The following EHBP1 variants were observed in gnomAD, a reference collection of about 807,000 sequenced individuals.
EHBP1 encodes the protein EH domain-binding protein 1.
EHBP1 carries 55 observed loss-of-function variants against 144.0 expected under a neutral mutation model. The observed-to-expected ratio is 0.38, with a 90% CI of 0.31 to 0.48. The LOEUF (loss-of-function observed/expected upper bound fraction) is 0.48, where lower values mean the gene tolerates loss of function less well. EHBP1 is among the 20% of genes least tolerant of loss of function. EHBP1 has a pLI of 0.98. For missense variants in EHBP1, 1,200 were observed against 1,364.2 expected (o/e 0.88, Z 1.90); for synonymous variants, 469 against 472.7 (o/e 0.99, Z 0.10).
In EHBP1 at chr2:62,935,344, A is replaced by AATATATAT. The variant is rs57574909; in HGVS notation, c.1186-7359_1186-7352dup. On this transcript the variant is annotated intron_variant, in intron 10 of 22. Transcript: ENST00000431489. ...ACTCCATCTCAAAAAAAAAAAAAAA[A>AATATATAT]ATATATATATATATATATATATCCA... Among the ~76,000 whole-genome samples the AATATATAT allele has an allele frequency of 6.9e-4, 84 of 121,478 alleles. 1 individual carries two copies. The highest frequency in any genetic ancestry group is 1.2e-3 in the Admixed American group (13 of 11,264). 79.7% of individuals were successfully genotyped at this position (121,478 alleles called of 152,430 possible).
intron 1 of EHBP1, among the ~76,000 whole-genome samples, chr2:62,689,952 T>G (rs2033848022): frequency 6.6e-6 from 1 of 152,256 alleles, no homozygotes; most frequent in African/African-American, 2.4e-5. Context: ...TCTTTCATAT[T>G]TCTTCTTATG....
chr2:62,917,464 A>G (rs2054722419), intron 10 of EHBP1, among the ~76,000 whole-genome samples: 1 of 152,146 alleles, frequency 6.6e-6, no homozygotes, highest in East Asian at 1.9e-4. Flanking sequence ...ACAGATGCAC[A>G]TGTGTGTGCG....
intron 3 of EHBP1, among the ~76,000 whole-genome samples, chr2:62,760,906 T>G (rs1180511030): frequency 6.6e-6 from 1 of 152,210 alleles, no homozygotes; most frequent in African/African-American, 2.4e-5. Flanking sequence ...TGGGTATTTT[T>G]CATTGAGAAT....
intron 2 of EHBP1, among the ~76,000 whole-genome samples, chr2:62,713,139 G>A (rs1393073248): frequency 6.6e-6 from 1 of 152,144 alleles, no homozygotes; most frequent in Non-Finnish European, 1.5e-5. Flanking sequence ...GGTATGAAGA[G>A]GGTGGTCAAG....
At chr2:62,947,119 AACCAAGCCTATACATGC>A (rs1432021535) in intron 12 of EHBP1, among the ~76,000 whole-genome samples, 1 of 152,196 alleles carries the variant, frequency 6.6e-6, no homozygotes, top group Non-Finnish European at 1.5e-5. Context: ...TAAAATAACA[AACCAAGCCTATACATGC>A]ACACCAACTG....
At chr2:62,948,182 AT>A in intron 12 of EHBP1, 77 bp from the exon 13 acceptor site, 1 of 1,332,144 alleles carries the variant, frequency 7.5e-7, no homozygotes, top group Non-Finnish European at 1.0e-6. Context: ...AACAACAAAA[AT>A]TAAAAATGTG....
Position 62,706,000 on chromosome 2 carries a change from A to G in EHBP1, c.-348A>G. 1 of 151,460 alleles carries G rather than the reference A, an allele frequency of 6.6e-6. No homozygotes were observed. Among genetic ancestry groups the G allele is most frequent in the Non-Finnish European group, 1.3e-5 (1 of 74,912 alleles). 9.4% of individuals were successfully genotyped at this position (151,460 alleles called of 1,614,324 possible). Reference sequence around the variant, plus strand: ...GCTGCTGCTGCGGCGGCGACGGAGGAGCGGCTATGAGAAGGGAACGGGGCC... The same window carrying G: ...GCTGCTGCTGCGGCGGCGACGGAGGGGCGGCTATGAGAAGGGAACGGGGCC... On this transcript the variant is annotated 5_prime_UTR_variant, in exon 1 of 23. Transcript: ENST00000431489.
intron 19 of EHBP1, among the ~76,000 whole-genome samples, chr2:63,006,828 T>C (rs1288906246): frequency 5.9e-5 from 9 of 151,682 alleles, no homozygotes; most frequent in Non-Finnish European, 1.5e-5. Context: ...GGAAATTATA[T>C]ATATATATAT....
At chr2:62,867,978 G>A (rs1285110168) in intron 9 of EHBP1, among the ~76,000 whole-genome samples, 27 of 151,996 alleles carry the variant, frequency 1.8e-4, no homozygotes, top group Admixed American at 1.8e-3. Context: ...ACAATTAAAT[G>A]TCCATATGCC....
chr2:63,037,857 A>G (rs2061504628), intron 20 of EHBP1, among the ~76,000 whole-genome samples: 1 of 152,170 alleles, frequency 6.6e-6, no homozygotes, highest in African/African-American at 2.4e-5. Flanking sequence ...ACAGAAAGCC[A>G]AGGAATATAA....
chr2:62,983,871 T>C (rs1342112823), intron 15 of EHBP1, among the ~76,000 whole-genome samples: 2 of 152,196 alleles, frequency 1.3e-5, no homozygotes, highest in Non-Finnish European at 2.9e-5. Flanking sequence ...GACAAAGTAG[T>C]ATATTTTGTT....
At chr2:62,843,751 A>G (rs1312244132) in intron 7 of EHBP1, among the ~76,000 whole-genome samples, 1 of 152,226 alleles carries the variant, frequency 6.6e-6, no homozygotes, top group Non-Finnish European at 1.5e-5. Context: ...GTTTTAGCAA[A>G]TAAAAGGTTT....
chr2:62,842,880 T>A (rs2048016319), intron 7 of EHBP1, among the ~76,000 whole-genome samples: 2 of 152,188 alleles, frequency 1.3e-5, no homozygotes, highest in Non-Finnish European at 2.9e-5. Flanking sequence ...AATGATAATA[T>A]GTTACAGTTT....
intron 15 of EHBP1, among the ~76,000 whole-genome samples, chr2:62,980,312 C>T (rs1306336044): frequency 1.3e-5 from 2 of 152,172 alleles, no homozygotes; most frequent in South Asian, 2.1e-4. Context: ...CAATAGGGTT[C>T]GTGCTCCTGT....
chr2:62,949,141 T>A lies in EHBP1; in HGVS notation c.2295T>A (p.Asp765Glu), dbSNP rs2057242145. The A allele has an allele frequency of 6.4e-7, 1 of 1,558,468 alleles. No individual in the cohort carries two copies. Among genetic ancestry groups the A allele is most frequent in the African/African-American group, 1.4e-5 (1 of 72,280 alleles). Residue 765 changes from aspartate to glutamate, a missense_variant, in exon 13 of 23, where the codon GAT (aspartate) becomes GAA (glutamate). By Grantham distance (45) the Asp-to-Glu change is conservative. Coordinates refer to ENST00000431489, the MANE Select transcript of EHBP1 (RefSeq NM_001142616.3). ...ATAGAACCACTTTAAATCATGCAGATCATTCATCAAAAATAGTCCAGGTAA... is the reference window on the plus strand; with the variant it reads ...ATAGAACCACTTTAAATCATGCAGAACATTCATCAAAAATAGTCCAGGTAA... ...DADRTTLNHA[D>E]HSSKIVQHRL...
At chr2:62,791,248 A>G (rs2152454191) in intron 5 of EHBP1, among the ~76,000 whole-genome samples, 1 of 152,160 alleles carries the variant, frequency 6.6e-6, no homozygotes, top group African/African-American at 2.4e-5. Flanking sequence ...GCTTCTTCAA[A>G]TAGTTCTAGA....
At chr2:62,905,434 A>G (rs1031404756) in intron 10 of EHBP1, among the ~76,000 whole-genome samples, 1 of 152,236 alleles carries the variant, frequency 6.6e-6, no homozygotes, top group Non-Finnish European at 1.5e-5. Flanking sequence ...GGACTAGACC[A>G]TGCAATGCCT....
chr2:62,928,840 C>CAAAAAAAAAA (rs760426482), intron 10 of EHBP1, among the ~76,000 whole-genome samples: 2 of 65,262 alleles, frequency 3.1e-5, no homozygotes, highest in African/African-American at 4.8e-5. Flanking sequence ...AGACTAAGAA[C>CAAAAAAAAAA]AAAAAAAAAA....
At chr2:62,937,447 A>G (rs1048487081) in intron 10 of EHBP1, among the ~76,000 whole-genome samples, 1 of 152,216 alleles carries the variant, frequency 6.6e-6, no homozygotes, top group Admixed American at 6.6e-5. Flanking sequence ...TATATAGTTT[A>G]TGAATTAATG....
Sources: allele counts gnomAD v4.1 joint callset (sites outside exome capture counted in the v4.1 genomes callset), GRCh38; gene constraint gnomAD v4.1.1; transcripts MANE v1.5; gene names NCBI Gene and HGNC (gene_info 2026-07-23, HGNC 2026-07-21).